ZNF35: variants seen among roughly 807,000 people sequenced by gnomAD.
ZNF35 encodes the protein zinc finger protein 35.
Under a neutral mutation model 45.9 loss-of-function variants are expected in ZNF35, and 31 were observed. That is an observed-to-expected ratio of 0.68 (90% confidence interval 0.51 to 0.91). ZNF35 has a LOEUF of 0.91. ZNF35 is among the 40% of genes least tolerant of loss of function. The pLI, the probability that ZNF35 is intolerant of heterozygous loss-of-function variation, is 0.00. For synonymous variants in ZNF35, 205 were observed against 220.2 expected (o/e 0.93, Z 0.61); for missense variants, 515 against 625.4 (o/e 0.82, Z 1.88).
chr3:44,659,096 A>G lies in ZNF35; in HGVS notation c.733A>G (p.Thr245Ala). 1 of 1,614,178 alleles carries G rather than the reference A, an allele frequency of 6.2e-7. No homozygotes were observed. The highest frequency in any genetic ancestry group is 2.2e-5 in the East Asian group (1 of 44,882). Residue 245 changes from threonine (T) to alanine (A), a missense_variant, in exon 4 of 4, where the codon ACT (threonine) becomes GCT (alanine). Transcript: ENST00000396056. The surrounding 1 kb of genome is among the most constrained non-coding windows in gnomAD (Gnocchi z 4.3). ...ANLVVHQRIH[T>A]GEKPFECHEC... ...CCTCGTTGTGCATCAGCGAATCCACACTGGAGAGAAACCCTTTGAATGTCA... is the reference window on the plus strand; with the variant it reads ...CCTCGTTGTGCATCAGCGAATCCACGCTGGAGAGAAACCCTTTGAATGTCA...
At chr3:44,657,889 C>G (rs560470619) in intron 3 of ZNF35, among the ~76,000 whole-genome samples, 28 of 152,344 alleles carry the variant, frequency 1.8e-4, no homozygotes, top group African/African-American at 6.5e-4. Context: ...AGAGCACTGA[C>G]TGTATTCCAG....
rs1373774486 is a variant in ZNF35, at chr3:44,651,052, C to T, written c.-16C>T. On this transcript the variant is annotated 5_prime_UTR_variant, in exon 2 of 4. Transcript: ENST00000396056. Reference sequence around the variant, plus strand: ...GCAGCGCCCAGCTATAGGAGTTCCCCTGCTGAGCAGAGAAGATGACTGCAG... The same window carrying T: ...GCAGCGCCCAGCTATAGGAGTTCCCTTGCTGAGCAGAGAAGATGACTGCAG... The T allele has an allele frequency of 1.2e-6, 2 of 1,611,116 alleles. No individual in the cohort carries two copies. The highest frequency in any genetic ancestry group is 1.7e-5 in the Admixed American group (1 of 59,506).
intron 3 of ZNF35, 62 bp downstream of exon 3, chr3:44,652,763 A>G: frequency 6.8e-7 from 1 of 1,465,926 alleles, no homozygotes; most frequent in South Asian, 1.5e-5. Context: ...CTTTTCAGAG[A>G]CTGGTGGGCA....
rs1703373629 is a variant in ZNF35, at chr3:44,659,944, A to G, written c.1581A>G (p.Glu527=). The change falls in exon 4 of 4, where the codon GAA becomes GAG. Residue 527 remains glutamate (E), a synonymous_variant. Transcript: ENST00000396056. The surrounding 1 kb of genome is among the most constrained non-coding windows in gnomAD (Gnocchi z 4.3). ...LMRHHRTHLV[E] ...GACACCATAGAACCCATCTTGTTGAATAACAAGTAAGGAAGAGGAAGACCT... is the reference window on the plus strand; with the variant it reads ...GACACCATAGAACCCATCTTGTTGAGTAACAAGTAAGGAAGAGGAAGACCT... The G allele has an allele frequency of 6.5e-7, 1 of 1,537,458 alleles. No individual in the cohort carries two copies. Among genetic ancestry groups the G allele is most frequent in the East Asian group, 2.3e-5 (1 of 44,170 alleles).
intron 2 of ZNF35, 61 bp downstream of exon 2, chr3:44,651,320 A>T (rs1703198851): frequency 2.6e-6 from 4 of 1,526,018 alleles, no homozygotes; most frequent in Non-Finnish European, 3.5e-6. Context: ...GTAGTTTAAG[A>T]GGGGACTCTG....
Position 44,650,395 on chromosome 3 carries a change from C to G in ZNF35, c.-127-546C>G, listed in dbSNP as rs77538761. The stretch of plus-strand genomic sequence containing the variant: ...TGCTAACACGTTGGTATAAAGACTC[C>G]CAGTCTTTTTCTTGGGATCCTTTTG... On this transcript the variant is annotated intron_variant, in intron 1 of 3. Coordinates refer to ENST00000396056, the MANE Select transcript of ZNF35 (RefSeq NM_003420.4). Among the ~76,000 whole-genome samples, 502 of 152,208 alleles carry G rather than the reference C, an allele frequency of 3.3e-3. 1 individual carries two copies. Among genetic ancestry groups the G allele is most frequent in the Non-Finnish European group, 4.4e-3 (296 of 68,002 alleles).
chr3:44,652,738 G>A (rs764313337), intron 3 of ZNF35, 37 bp downstream of exon 3: 1 of 1,497,322 alleles, frequency 6.7e-7, no homozygotes, highest in South Asian at 1.4e-5. Flanking sequence ...TCTGACCATT[G>A]GGGTTTCTCA....
chr3:44,651,028 C>T lies in ZNF35; in HGVS notation c.-40C>T. ...TGGATGGGGTTTGACCTCTGCAGGG[C>T]AGCGCCCAGCTATAGGAGTTCCCCT... is the stretch of plus-strand genomic sequence containing the variant. On this transcript the variant is annotated 5_prime_UTR_variant, in exon 2 of 4. Transcript: ENST00000396056. 6.3e-7 allele frequency: 1 copy of T among 1,592,650 alleles called. No individual in the cohort carries two copies. Among genetic ancestry groups the T allele is most frequent in the Non-Finnish European group, 8.5e-7 (1 of 1,170,860 alleles).
intron 3 of ZNF35, among the ~76,000 whole-genome samples, chr3:44,657,363 T>C (rs186468678): frequency 6.6e-6 from 1 of 152,354 alleles, no homozygotes; most frequent in Admixed American, 6.5e-5. Context: ...CTCTACAGGC[T>C]TGCCACCCAT....
At position 44,659,059 on chromosome 3, in the gene ZNF35, T is replaced by G. The variant is rs777967101; in HGVS notation, c.696T>G (p.Ser232Arg). 6.2e-7 allele frequency: 1 copy of G among 1,614,216 alleles called. No individual in the cohort carries two copies. The highest frequency in any genetic ancestry group is 8.5e-7 in the Non-Finnish European group (1 of 1,180,036). The change falls in exon 4 of 4, where the codon AGT becomes AGG. Residue 232 changes from serine (S) to arginine (R), a missense_variant. Physicochemically the swap from Ser to Arg is moderately radical, Grantham distance 110. Around this residue, in one of 3 missense-constraint regions of ZNF35, gnomAD observed 275 missense variants for 295.7 expected, o/e 0.93. Transcript: ENST00000396056. The surrounding 1 kb of genome is among the most constrained non-coding windows in gnomAD (Gnocchi z 4.3). ...FTCSVCGKGFSQSANLVVHQR... is the reference protein window; with the variant it reads ...FTCSVCGKGFRQSANLVVHQR... ...GTAGCGTGTGTGGGAAAGGATTTAGTCAGAGTGCAAACCTCGTTGTGCATC... is the reference window on the plus strand; with the variant it reads ...GTAGCGTGTGTGGGAAAGGATTTAGGCAGAGTGCAAACCTCGTTGTGCATC...
chr3:44,653,999 G>A (rs1703251397), intron 3 of ZNF35, among the ~76,000 whole-genome samples: 1 of 152,126 alleles, frequency 6.6e-6, no homozygotes. Context: ...AGATTTTCTT[G>A]TCTCATATTT....
upstream of ZNF35, chr3:44,646,927 C>CCTG: frequency 6.1e-6 from 1 of 163,040 alleles, no homozygotes; most frequent in Non-Finnish European, 1.3e-5. Context: ...GGACCTAGGA[C>CCTG]TGAGCTAAGA....
chr3:44,646,944 A>G (rs1214055252), upstream of ZNF35: 2 of 155,398 alleles, frequency 1.3e-5, no homozygotes, highest in African/African-American at 4.8e-5. Flanking sequence ...AAGAAGGCTC[A>G]GATGACTCAA....
chr3:44,659,543 G>A lies in ZNF35; in HGVS notation c.1180G>A (p.Glu394Lys). 1 of 1,614,044 alleles carries A rather than the reference G, an allele frequency of 6.2e-7. No homozygotes were observed. The highest frequency in any genetic ancestry group is 1.1e-5 in the South Asian group (1 of 91,070). ...HTGEKPYECK[E>K]CGKAFSCFSH... The stretch of plus-strand genomic sequence containing the variant: ...TGGTGAGAAGCCATATGAGTGTAAA[G>A]AGTGTGGGAAAGCCTTTAGTTGTTT... Residue 394 changes from glutamate (E) to lysine (K), a missense_variant, in exon 4 of 4, where the codon GAG (glutamate) becomes AAG (lysine). Glu to Lys is a moderately conservative substitution (Grantham distance 56, BLOSUM62 1). Transcript: ENST00000396056. The surrounding 1 kb of genome is among the most constrained non-coding windows in gnomAD (Gnocchi z 4.3).
chr3:44,656,730 G>C (rs1703315574), intron 3 of ZNF35, among the ~76,000 whole-genome samples: 1 of 139,596 alleles, frequency 7.2e-6, no homozygotes. Flanking sequence ...TGCTTTGTCT[G>C]GCCCAGGCTG....
rs775030669 is a variant in ZNF35, at chr3:44,651,130, G to C, written c.63G>C (p.Lys21Asn). 3 of 1,610,780 alleles carry C rather than the reference G, an allele frequency of 1.9e-6. No individual in the cohort carries two copies. Among genetic ancestry groups the C allele is most frequent in the East Asian group, 2.4e-5 (1 of 42,008 alleles). The change falls in exon 2 of 4, where the codon AAG (lysine) becomes AAC (asparagine). Residue 21 changes from lysine (K) to asparagine (N), a missense_variant. Physicochemically the swap from Lys to Asn is moderately conservative, Grantham distance 94. Coordinates refer to ENST00000396056, the MANE Select transcript of ZNF35 (RefSeq NM_003420.4). Reference sequence around the variant, plus strand: ...CATGGGGCCCAGTGAAGGTGAAAAAGGAGGAGGAAGAAGAAGAAAACTTCC... The same window carrying C: ...CATGGGGCCCAGTGAAGGTGAAAAACGAGGAGGAAGAAGAAGAAAACTTCC... The part of the protein sequence containing the change: ...LAPWGPVKVK[K>N]EEEEEENFPG...
At chr3:44,649,853 T>A (rs1481772455) in intron 1 of ZNF35, among the ~76,000 whole-genome samples, 2 of 152,190 alleles carry the variant, frequency 1.3e-5, no homozygotes, top group African/African-American at 4.8e-5. Context: ...TATGCCAGAA[T>A]GAGGTAGTTC....
rs2125839503 is a variant in ZNF35, at chr3:44,652,683, G to A, written c.319G>A (p.Gly107Arg). The change falls in exon 3 of 4, where the codon GGG (glycine) becomes AGG (arginine). Residue 107 changes from glycine to arginine, a missense_variant. Transcript: ENST00000396056. Reference sequence around the variant, plus strand: ...CAAGAGTGAGATACTGGAGACTCATGGGACCATGAACTTTCTAGGTATGGT... The same window carrying A: ...CAAGAGTGAGATACTGGAGACTCATAGGACCATGAACTTTCTAGGTATGGT... Reference protein sequence around the residue: ...LAKSEILETHGTMNFLGAETK... With the variant: ...LAKSEILETHRTMNFLGAETK... 1 of 1,600,116 alleles carries A rather than the reference G, an allele frequency of 6.2e-7. No homozygotes were observed. Among genetic ancestry groups the A allele is most frequent in the East Asian group, 2.2e-5 (1 of 44,506 alleles).
At chr3:44,656,899 G>C (rs1009037582) in intron 3 of ZNF35, among the ~76,000 whole-genome samples, 3 of 151,998 alleles carry the variant, frequency 2.0e-5, no homozygotes, top group Non-Finnish European at 1.5e-5. Context: ...GTTTCACCAT[G>C]TTGGCCAGGC....
Sources: allele counts gnomAD v4.1 joint callset (sites outside exome capture counted in the v4.1 genomes callset), GRCh38; gene constraint gnomAD v4.1.1; regional missense constraint gnomAD v4.1.1; non-coding constraint Gnocchi (gnomAD v3.1); transcripts MANE v1.5; gene names NCBI Gene and HGNC (gene_info 2026-07-23, HGNC 2026-07-21).